CCDC175: variants seen among roughly 807,000 people sequenced by gnomAD.
CCDC175 encodes the protein coiled-coil domain containing 175, also known as coiled-coil domain-containing protein 175.
Under a neutral mutation model 114.6 loss-of-function variants are expected in CCDC175, and 100 were observed. The observed-to-expected ratio is 0.87, with a 90% CI of 0.74 to 1.03. CCDC175 has a LOEUF of 1.03. CCDC175 is among the 50% of genes least tolerant of loss of function. CCDC175 has a pLI of 0.00. For synonymous variants in CCDC175, 306 were observed against 308.7 expected, an observed-to-expected ratio of 0.99 and a Z score of 0.09; for missense variants, 880 against 917.8, an observed-to-expected ratio of 0.96 and a Z score of 0.53.
In CCDC175 at chr14:59,538,851, G is replaced by C; in HGVS notation, c.1356-11C>G. ...CACTGAGTTATAACACTAGAGATTA[G>C]AGCAAAAAGAATTGCCATTAAATTG... is the stretch of plus-strand genomic sequence containing the variant. On this transcript the variant is annotated splice_polypyrimidine_tract_variant and intron_variant, in intron 11 of 19. Coordinates refer to ENST00000537690, the MANE Select transcript of CCDC175 (RefSeq NM_001164399.2). 4 of 1,514,258 alleles carry C rather than the reference G, an allele frequency of 2.6e-6. No homozygotes were observed. Among genetic ancestry groups the C allele is most frequent in the African/African-American group, 1.4e-5 (1 of 71,718 alleles). The allele number at this position is 1,514,258 out of a possible 1,614,324, so 93.8% of individuals were successfully genotyped here.
At chr14:59,510,362 G>A (rs150774940) in intron 19 of CCDC175, 6 of 285,574 alleles carry the variant, frequency 2.1e-5, no homozygotes, top group African/African-American at 1.3e-4. Flanking sequence ...GTGTAAAAGA[G>A]TTTAAAAAGC....
chr14:59,563,751 T>C lies in CCDC175; in HGVS notation c.829A>G (p.Thr277Ala). 7.0e-7 allele frequency: 1 copy of C among 1,425,260 alleles called. No individual in the cohort carries two copies. Among genetic ancestry groups the C allele is most frequent in the Non-Finnish European group, 9.2e-7 (1 of 1,091,952 alleles). The allele number at this position is 1,425,260 out of a possible 1,614,324, so 88.3% of individuals were successfully genotyped here. A position where few individuals can be genotyped will look rare whatever the true frequency, so the allele number is the denominator to read the frequency against. Reference sequence around the variant, plus strand: ...TTCTTTCTTACCGCTGCGGAAACAGTAACTGTTTCTTTTATTTTTGACATT... The same window carrying C: ...TTCTTTCTTACCGCTGCGGAAACAGCAACTGTTTCTTTTATTTTTGACATT... ...TKMSKIKETV[T>A]VSAAVLSDHN... Residue 277 changes from threonine to alanine, a missense_variant, in exon 6 of 20, where the codon ACT becomes GCT. Coordinates refer to ENST00000537690, the MANE Select transcript of CCDC175 (RefSeq NM_001164399.2).
rs750950761 is a variant in CCDC175, at chr14:59,557,381, T to C, written c.953+3738A>G. 4.0e-4 allele frequency among the ~76,000 whole-genome samples: 57 copies of C among 142,370 alleles called. No individual in the cohort carries two copies. The South Asian group carries it at 4.4e-3, about 11-fold the overall frequency. 93.4% of individuals were successfully genotyped at this position (142,370 alleles called of 152,430 possible). On this transcript the variant is annotated intron_variant, in intron 7 of 19. Transcript: ENST00000537690. ...TATCGCAAGGACAAAAAACCAAACA[T>C]CCCATGTTCTCACTCATAGGTGGGA...
intron 14 of CCDC175, among the ~76,000 whole-genome samples, chr14:59,529,272 G>T (rs1893928652): frequency 6.6e-6 from 1 of 152,162 alleles, no homozygotes; most frequent in African/African-American, 2.4e-5. Context: ...AGCTCAGAGG[G>T]GATCTCAGTG....
chr14:59,554,038 C>T (rs539323405), intron 7 of CCDC175, among the ~76,000 whole-genome samples: 110 of 152,300 alleles, frequency 7.2e-4, no homozygotes, highest in African/African-American at 2.5e-3. Flanking sequence ...ACCCCACTGT[C>T]AACATTAGAC....
chr14:59,522,814 C>T (rs140903500), intron 16 of CCDC175, among the ~76,000 whole-genome samples: 3 of 152,328 alleles, frequency 2.0e-5, no homozygotes, highest in Non-Finnish European at 2.9e-5. Context: ...GTGTCTTGTT[C>T]AGATTGTTGC....
intron 4 of CCDC175, among the ~76,000 whole-genome samples, chr14:59,565,734 G>C (rs1199176768): frequency 6.6e-6 from 1 of 151,836 alleles, no homozygotes; most frequent in Non-Finnish European, 1.5e-5. Flanking sequence ...TTGAGATGAG[G>C]ACAGAAGGAA....
intron 18 of CCDC175, among the ~76,000 whole-genome samples, chr14:59,511,433 C>T (rs1259531462): frequency 1.3e-5 from 2 of 150,676 alleles, no homozygotes; most frequent in Non-Finnish European, 2.9e-5. Flanking sequence ...CAACTTTGTC[C>T]TGAACCAAAA....
At position 59,505,150 on chromosome 14, in the gene CCDC175, C is replaced by A; in HGVS notation, c.*89G>T. ...GTTAAATTTTAAATGTTTAAGACTT[C>A]TATTAACAGCTGCAAAATATGAAAG... On this transcript the variant is annotated 3_prime_UTR_variant, in exon 20 of 20. Coordinates refer to ENST00000537690, the MANE Select transcript of CCDC175 (RefSeq NM_001164399.2). 1.8e-6 allele frequency: 1 copy of A among 563,774 alleles called. No homozygotes were observed. The highest frequency in any genetic ancestry group is 2.9e-6 in the Non-Finnish European group (1 of 340,462). The allele number at this position is 563,774 out of a possible 1,614,324, so 34.9% of individuals were successfully genotyped here.
At chr14:59,528,926 T>C (rs1341185996) in intron 14 of CCDC175, among the ~76,000 whole-genome samples, 1 of 152,246 alleles carries the variant, frequency 6.6e-6, no homozygotes, top group Non-Finnish European at 1.5e-5. Context: ...TTTATTTCTC[T>C]AAGAATATAC....
intron 13 of CCDC175, among the ~76,000 whole-genome samples, chr14:59,536,229 G>A (rs1595020794): frequency 6.6e-6 from 1 of 151,908 alleles, no homozygotes; most frequent in South Asian, 2.1e-4. Flanking sequence ...CCTGCCTCAG[G>A]CCCTTCCTGC....
intron 7 of CCDC175, among the ~76,000 whole-genome samples, chr14:59,558,789 G>C (rs1481602438): frequency 1.3e-5 from 2 of 152,146 alleles, no homozygotes; most frequent in African/African-American, 4.8e-5. Flanking sequence ...TTGAGGTAAA[G>C]AAAGTATTTA....
At chr14:59,528,202 A>T (rs183336022) in intron 14 of CCDC175, among the ~76,000 whole-genome samples, 23 of 152,206 alleles carry the variant, frequency 1.5e-4, no homozygotes, top group African/African-American at 5.5e-4. Flanking sequence ...TATTGCTGTT[A>T]AGAAGTTTGA....
At chr14:59,528,232 A>G (rs532191068) in intron 14 of CCDC175, among the ~76,000 whole-genome samples, 3 of 152,134 alleles carry the variant, frequency 2.0e-5, no homozygotes, top group South Asian at 2.1e-4. Context: ...GATTTCTAAT[A>G]TTTTGTGTGA....
At chr14:59,514,199 A>G (rs1228538454) in intron 17 of CCDC175, among the ~76,000 whole-genome samples, 1 of 152,206 alleles carries the variant, frequency 6.6e-6, no homozygotes, top group Admixed American at 6.5e-5. Context: ...AGGTAGATAA[A>G]ACCACAAAGA....
intron 17 of CCDC175, among the ~76,000 whole-genome samples, chr14:59,512,048 G>C (rs1892786560): frequency 6.6e-6 from 1 of 152,186 alleles, no homozygotes; most frequent in Admixed American, 6.5e-5. Context: ...GTGACACCTG[G>C]AAGAGAAACA....
chr14:59,518,423 C>T (rs545669838), intron 17 of CCDC175, among the ~76,000 whole-genome samples: 154 of 152,236 alleles, frequency 1.0e-3, no homozygotes, highest in African/African-American at 3.7e-3. Context: ...ATCTACTCAT[C>T]TGACAAAGGG....
At chr14:59,539,974 G>C (rs904079159) in intron 11 of CCDC175, among the ~76,000 whole-genome samples, 3 of 151,986 alleles carry the variant, frequency 2.0e-5, no homozygotes, top group African/African-American at 7.3e-5. Flanking sequence ...TGGTGGCTGA[G>C]GCATGAGAAT....
chr14:59,510,694 C>T lies in CCDC175; in HGVS notation c.2257G>A (p.Glu753Lys). 1 of 1,537,210 alleles carries T rather than the reference C, an allele frequency of 6.5e-7. No individual in the cohort carries two copies. The highest frequency in any genetic ancestry group is 8.7e-7 in the Non-Finnish European group (1 of 1,146,894). ...HVSTWLRGSL[E>K]GLRLLVEQES... ...TGTTCCACAAGCAAACGCAGCCCTT[C>T]AAGACTCCCTCGTAGCCATGTACTG... Residue 753 changes from glutamate (E) to lysine (K), a missense_variant, in exon 19 of 20, where the codon GAA (glutamate) becomes AAA (lysine). Coordinates refer to ENST00000537690, the MANE Select transcript of CCDC175 (RefSeq NM_001164399.2).
Sources: allele counts gnomAD v4.1 joint callset (sites outside exome capture counted in the v4.1 genomes callset), GRCh38; gene constraint gnomAD v4.1.1; transcripts MANE v1.5; gene names NCBI Gene and HGNC (gene_info 2026-07-23, HGNC 2026-07-21).